ADAMTSL3: variants seen among roughly 807,000 people sequenced by gnomAD.
ADAMTSL3 encodes the protein ADAMTS-like protein 3.
ADAMTSL3 carries 128 observed loss-of-function variants against 201.7 expected under a neutral mutation model. The observed-to-expected ratio is 0.63, with a 90% CI of 0.55 to 0.73. The LOEUF is 0.73. Among genes scored for constraint, ADAMTSL3 ranks in the 30% least tolerant of loss-of-function variants. ADAMTSL3 has a pLI of 0.00. For synonymous variants in ADAMTSL3, 738 were observed against 748.4 expected (o/e 0.99, Z 0.23); for missense variants, 1,990 against 2,119.6 (o/e 0.94, Z 1.20).
chr15:83,962,864 G>A (rs917071150), intron 19 of ADAMTSL3, among the ~76,000 whole-genome samples: 1 of 152,198 alleles, frequency 6.6e-6, no homozygotes, highest in Non-Finnish European at 1.5e-5. Context: ...AGCCCATGGA[G>A]GGCCAGCTGA....
chr15:83,730,279 T>C (rs1008392534), intron 3 of ADAMTSL3, among the ~76,000 whole-genome samples: 3 of 152,072 alleles, frequency 2.0e-5, no homozygotes, highest in Non-Finnish European at 4.4e-5. Flanking sequence ...TCAAGAATAT[T>C]GATTGCCCAG....
intron 21 of ADAMTSL3, among the ~76,000 whole-genome samples, chr15:83,987,174 C>T (rs980584632): frequency 6.6e-6 from 1 of 152,218 alleles, no homozygotes; most frequent in African/African-American, 2.4e-5. Context: ...AACTATTTCT[C>T]CTCCATCAGG....
At chr15:84,002,643 G>C (rs1230368612) in intron 23 of ADAMTSL3, among the ~76,000 whole-genome samples, 1 of 152,066 alleles carries the variant, frequency 6.6e-6, no homozygotes, top group Non-Finnish European at 1.5e-5. Flanking sequence ...ATTCCATGGA[G>C]CCTTGTCAAG....
chr15:83,850,430 A>G (rs572765163), intron 7 of ADAMTSL3, among the ~76,000 whole-genome samples: 1 of 151,546 alleles, frequency 6.6e-6, no homozygotes, highest in South Asian at 2.1e-4. Context: ...ATATGTGTGT[A>G]TATACATATG....
At chr15:83,936,023 A>G (rs968228438) in intron 17 of ADAMTSL3, among the ~76,000 whole-genome samples, 1 of 152,152 alleles carries the variant, frequency 6.6e-6, no homozygotes, top group African/African-American at 2.4e-5. Context: ...TTCATTAAGA[A>G]GGAAAATGAT....
At chr15:83,889,177 T>C (rs1330949680) in intron 10 of ADAMTSL3, among the ~76,000 whole-genome samples, 2 of 152,174 alleles carry the variant, frequency 1.3e-5, no homozygotes, top group Non-Finnish European at 1.5e-5. Context: ...TTAGATTTAA[T>C]AGAATCAGGA....
intron 9 of ADAMTSL3, among the ~76,000 whole-genome samples, chr15:83,873,258 C>T (rs186588452): frequency 2.8e-5 from 4 of 144,994 alleles, no homozygotes; most frequent in South Asian, 4.3e-4. Flanking sequence ...GAGCCAAGAT[C>T]GCACCACTGC....
intron 3 of ADAMTSL3, among the ~76,000 whole-genome samples, chr15:83,715,878 A>G (rs2062010472): frequency 1.3e-5 from 2 of 152,190 alleles, no homozygotes; most frequent in African/African-American, 4.8e-5. Context: ...GGGTGTGCAA[A>G]GCTCTTTATT....
At chr15:83,876,149 T>C (rs1050410052) in intron 9 of ADAMTSL3, among the ~76,000 whole-genome samples, 3 of 152,162 alleles carry the variant, frequency 2.0e-5, no homozygotes. Flanking sequence ...TCAAATGTAA[T>C]CATGGTATTC....
At chr15:83,880,110 A>G (rs1354511058) in intron 9 of ADAMTSL3, among the ~76,000 whole-genome samples, 1 of 151,838 alleles carries the variant, frequency 6.6e-6, no homozygotes, top group Non-Finnish European at 1.5e-5. Flanking sequence ...GCTATGGTGT[A>G]ATTAGTGCCT....
intron 5 of ADAMTSL3, among the ~76,000 whole-genome samples, chr15:83,816,156 T>A (rs926822958): frequency 2.6e-5 from 4 of 152,252 alleles, no homozygotes; most frequent in African/African-American, 7.2e-5. Context: ...TCTTTCCTCC[T>A]CCTTTCTTAC....
chr15:83,703,590 C>T (rs968292822), intron 2 of ADAMTSL3, among the ~76,000 whole-genome samples: 13 of 152,130 alleles, frequency 8.5e-5, no homozygotes, highest in Admixed American at 8.5e-4. Context: ...GCTTTTGCAT[C>T]CCTCTCACTT....
chr15:83,947,939 A>G (rs1207414881), intron 19 of ADAMTSL3, among the ~76,000 whole-genome samples: 1 of 151,934 alleles, frequency 6.6e-6, no homozygotes, highest in Admixed American at 6.6e-5. Context: ...AGTTCTCCCC[A>G]CTTCCTGTCT....
chr15:83,985,086 T>C (rs1413282417), intron 21 of ADAMTSL3, among the ~76,000 whole-genome samples: 2 of 152,232 alleles, frequency 1.3e-5, no homozygotes, highest in East Asian at 3.8e-4. Flanking sequence ...GAATAGACTT[T>C]TTACCCATAC....
At chr15:83,865,326 C>G (rs1323990383) in intron 8 of ADAMTSL3, among the ~76,000 whole-genome samples, 2 of 152,148 alleles carry the variant, frequency 1.3e-5, no homozygotes, top group African/African-American at 4.8e-5. Flanking sequence ...CCCAAAAGAA[C>G]AAAGCTGGGG....
intron 6 of ADAMTSL3, among the ~76,000 whole-genome samples, chr15:83,824,221 G>C (rs12900542): frequency 0.15 from 22,179 of 151,586 alleles, 2,009 homozygotes; most frequent in Middle Eastern, 0.33. Flanking sequence ...TTTTTTGCTT[G>C]ATTTTTGTAG....
chr15:84,002,421 T>C (rs188278233), intron 23 of ADAMTSL3, among the ~76,000 whole-genome samples: 25 of 152,320 alleles, frequency 1.6e-4, no homozygotes, highest in Non-Finnish European at 3.1e-4. Context: ...AGTACATTTC[T>C]CTGTCCTGAA....
intron 9 of ADAMTSL3, 25 bp downstream of exon 9, chr15:83,870,984 T>A: frequency 6.2e-7 from 1 of 1,604,120 alleles, no homozygotes. Flanking sequence ...TTCATAAACT[T>A]CATGTACCTG....
chr15:83,797,304 A>G (rs2063442085), intron 4 of ADAMTSL3, among the ~76,000 whole-genome samples: 1 of 152,214 alleles, frequency 6.6e-6, no homozygotes, highest in Non-Finnish European at 1.5e-5. Context: ...TTTCACTGAC[A>G]AAAAACTGAA....
Sources: allele counts gnomAD v4.1 joint callset (sites outside exome capture counted in the v4.1 genomes callset), GRCh38; gene constraint gnomAD v4.1.1; transcripts MANE v1.5; gene names NCBI Gene and HGNC (gene_info 2026-07-23, HGNC 2026-07-21).